Variants in ZKSCAN1 observed in about 807,000 individuals in gnomAD.
The protein encoded by ZKSCAN1 is zinc finger with KRAB and SCAN domains 1.
ZKSCAN1 carries 14 observed loss-of-function variants against 51.6 expected under a neutral mutation model. That is an observed-to-expected ratio of 0.27 (90% CI 0.18 to 0.42). The LOEUF (loss-of-function observed/expected upper bound fraction) is 0.42. Among genes scored for constraint, ZKSCAN1 ranks in the 10% least tolerant of loss-of-function variants. The pLI is 1.00. For missense variants in ZKSCAN1, 531 were observed against 710.0 expected (o/e 0.75, Z 2.86); for synonymous variants, 263 against 261.5 (o/e 1.01, Z -0.06).
At chr7:100,016,141 C>G (rs975470935) in intron 1 of ZKSCAN1, among the ~76,000 whole-genome samples, 2 of 152,178 alleles carry the variant, frequency 1.3e-5, no homozygotes, top group African/African-American at 4.8e-5. Context: ...TTTTCCCCCC[C>G]CGGTTCCTTC....
chr7:100,045,365 G>A (rs1791690687), downstream of ZKSCAN1, among the ~76,000 whole-genome samples: 1 of 151,556 alleles, frequency 6.6e-6, no homozygotes, highest in Non-Finnish European at 1.5e-5. Context: ...GCCCAACATG[G>A]TGAAACCCCA....
In ZKSCAN1 at chr7:100,024,135, C is replaced by G. The variant is rs923732517; in HGVS notation, c.427-19C>G. 1 of 1,600,600 alleles carries G rather than the reference C, an allele frequency of 6.2e-7. No individual in the cohort carries two copies. The highest frequency in any genetic ancestry group is 8.5e-7 in the Non-Finnish European group (1 of 1,173,354). On this transcript the variant is annotated intron_variant, in intron 2 of 5. Transcript: ENST00000324306. Reference sequence around the variant, plus strand: ...TTTACAAAGTGATTTACCCACAAGCCCAACCTGTCTGTCTTCAGGTCCCAG... The same window carrying G: ...TTTACAAAGTGATTTACCCACAAGCGCAACCTGTCTGTCTTCAGGTCCCAG...
intron 4 of ZKSCAN1, 74 bp downstream of exon 4, chr7:100,030,026 A>C: frequency 1.9e-6 from 3 of 1,539,166 alleles, no homozygotes; most frequent in Non-Finnish European, 2.7e-6. Flanking sequence ...CATTATCTCC[A>C]CAGGCCACTC....
chr7:100,039,489 C>T lies in ZKSCAN1; in HGVS notation c.*5292C>T. On this transcript the variant is annotated 3_prime_UTR_variant, in exon 6 of 6. Coordinates refer to ENST00000324306, the MANE Select transcript of ZKSCAN1 (RefSeq NM_003439.4). The stretch of plus-strand genomic sequence containing the variant: ...TGGCTGTGTTCCTGTGTTCCCTGCT[C>T]CCACTTTTCTTCCCCTGGTTTGTGA... The T allele has an allele frequency of 1.0e-6, 1 of 985,352 alleles. No homozygotes were observed. Among genetic ancestry groups the T allele is most frequent in the Non-Finnish European group, 1.2e-6 (1 of 829,910 alleles). The allele number at this position is 985,352 out of a possible 1,614,324, so 61.0% of individuals were successfully genotyped here.
chr7:100,044,456 G>A (rs1312552841), downstream of ZKSCAN1, among the ~76,000 whole-genome samples: 2 of 151,462 alleles, frequency 1.3e-5, no homozygotes, highest in Admixed American at 6.6e-5. Flanking sequence ...TCACGAGGTC[G>A]GGAGATCGAG....
rs1054177582 is a variant in ZKSCAN1 at position 100,040,658 on chromosome 7, G to T, written c.*6461G>T. The T allele has an allele frequency of 1.1e-5, 11 of 985,354 alleles. No individual in the cohort carries two copies. Among genetic ancestry groups the T allele is most frequent in the Middle Eastern group, 5.2e-4 (1 of 1,936 alleles). 61.0% of individuals were successfully genotyped at this position (985,354 alleles called of 1,614,324 possible). On this transcript the variant is annotated 3_prime_UTR_variant, in exon 6 of 6. Transcript: ENST00000324306. ...TAAGTGCAGTATGGAAGGAGAAGGGGGAAGAGGACGGTAACGGCCCCACAC... is the reference window on the plus strand; with the variant it reads ...TAAGTGCAGTATGGAAGGAGAAGGGTGAAGAGGACGGTAACGGCCCCACAC...
rs1414241545 is a variant in ZKSCAN1, at chr7:100,035,399, A to G, written c.*1202A>G. ...TATCATCGTCATCTTGAAGAAAAAT[A>G]TGAACACTGATGAAGGTCATTTTTT... On this transcript the variant is annotated 3_prime_UTR_variant, in exon 6 of 6. Coordinates refer to ENST00000324306, the MANE Select transcript of ZKSCAN1 (RefSeq NM_003439.4). 6.6e-6 allele frequency: 1 copy of G among 152,178 alleles called. No homozygotes were observed. The highest frequency in any genetic ancestry group is 1.5e-5 in the Non-Finnish European group (1 of 68,042). 9.4% of individuals were successfully genotyped at this position (152,178 alleles called of 1,614,324 possible).
chr7:100,036,959 T>C lies in ZKSCAN1; in HGVS notation c.*2762T>C. 1 of 985,342 alleles carries C rather than the reference T, an allele frequency of 1.0e-6. No individual in the cohort carries two copies. The highest frequency in any genetic ancestry group is 1.2e-6 in the Non-Finnish European group (1 of 829,910). 61.0% of individuals were successfully genotyped at this position (985,342 alleles called of 1,614,324 possible). A position where few individuals can be genotyped will look rare whatever the true frequency, so the allele number is the denominator to read the frequency against. On this transcript the variant is annotated 3_prime_UTR_variant, in exon 6 of 6. Coordinates refer to ENST00000324306, the MANE Select transcript of ZKSCAN1 (RefSeq NM_003439.4). ...CATTTAATTCCGTTTCATGGAGACA[T>C]CTTCCTGACTTTGTTGGATAGCTGC...
rs1359253079 is a variant in ZKSCAN1, at chr7:100,023,690, T to C, written c.184T>C (p.Phe62Leu). The change falls in exon 2 of 6, where the codon TTC (phenylalanine) becomes CTC (leucine). Residue 62 changes from phenylalanine (F) to leucine (L), a missense_variant. By Grantham distance (22) the Phe-to-Leu change is conservative. Transcript: ENST00000324306. ...PEIFRQRFRR[F>L]CYQNTFGPRE... ...GATATTCCGCCAACGCTTCAGGCGC[T>C]TCTGTTACCAGAACACTTTTGGGCC... 1 of 1,614,206 alleles carries C rather than the reference T, an allele frequency of 6.2e-7. No individual in the cohort carries two copies.
At position 100,040,726 on chromosome 7, in the gene ZKSCAN1, G is replaced by A. The variant is rs1791557890; in HGVS notation, c.*6529G>A. On this transcript the variant is annotated 3_prime_UTR_variant, in exon 6 of 6. Coordinates refer to ENST00000324306, the MANE Select transcript of ZKSCAN1 (RefSeq NM_003439.4). ...TAATTAGGAGGCCTGAGGAGGGGCC[G>A]AGGAAAGGCTGTTGGGGTGTGCTGG... 2.0e-6 allele frequency: 2 copies of A among 985,464 alleles called. No homozygotes were observed. Among genetic ancestry groups the A allele is most frequent in the Non-Finnish European group, 1.2e-6 (1 of 829,952 alleles). 61.0% of individuals were successfully genotyped at this position (985,464 alleles called of 1,614,324 possible).
intron 1 of ZKSCAN1, 114 bp from the exon 2 acceptor site, chr7:100,023,305 C>T: frequency 1.8e-6 from 1 of 557,314 alleles, no homozygotes; most frequent in Non-Finnish European, 3.0e-6. Flanking sequence ...GCCACCACCC[C>T]CGGCCTCAGG....
chr7:100,026,720 G>A (rs1441829128), intron 3 of ZKSCAN1, among the ~76,000 whole-genome samples: 1 of 150,816 alleles, frequency 6.6e-6, no homozygotes, highest in Admixed American at 6.6e-5. Context: ...GTGAGACTCT[G>A]TCTCAGAAAA....
chr7:100,029,050 G>A (rs1017400814), intron 3 of ZKSCAN1, among the ~76,000 whole-genome samples: 2 of 151,410 alleles, frequency 1.3e-5, no homozygotes, highest in African/African-American at 4.9e-5. Context: ...TGTAATCCCA[G>A]CTACTCTGGA....
At chr7:100,024,485 G>T in intron 3 of ZKSCAN1, 178 bp downstream of exon 3, 5 of 773,300 alleles carry the variant, frequency 6.5e-6, no homozygotes, top group Non-Finnish European at 6.0e-6. Flanking sequence ...TTCCAGCTAC[G>T]CAGGAGGCTG....
In ZKSCAN1 at chr7:100,023,569, T is replaced by A. The variant is rs527299780; in HGVS notation, c.63T>A (p.Asp21Glu). ...GLSPQAAQEK[D>E]GIVIVKVEEE... is the part of the protein sequence containing the mutation. ...CCCCACAGGCTGCACAGGAGAAGGA[T>A]GGTATCGTAATAGTGAAGGTGGAAG... Residue 21 changes from aspartate to glutamate, a missense_variant, in exon 2 of 6, where the codon GAT (aspartate) becomes GAA (glutamate). Asp to Glu is a conservative substitution (Grantham distance 45, BLOSUM62 2). Transcript: ENST00000324306. 1 of 1,613,472 alleles carries A rather than the reference T, an allele frequency of 6.2e-7. No individual in the cohort carries two copies. The highest frequency in any genetic ancestry group is 1.3e-5 in the African/African-American group (1 of 74,942).
chr7:100,043,537 AT>A (rs1397013556), downstream of ZKSCAN1, among the ~76,000 whole-genome samples: 6 of 147,564 alleles, frequency 4.1e-5, no homozygotes, highest in African/African-American at 1.3e-4. Context: ...CTACGCCTAG[AT>A]TTTTTTTTAA....
Position 100,025,653 on chromosome 7 carries a change from CA to C in ZKSCAN1, c.580+1349del, listed in dbSNP as rs1289499002. 2.0e-5 allele frequency among the ~76,000 whole-genome samples: 3 copies of C among 152,198 alleles called. No homozygotes were observed. The East Asian group carries it at 5.8e-4, about 29-fold the overall frequency. ...GCGAACATCATAAAGTATACTTATA[CA>C]AACCTAGATGGTCTAGCCTTCTCCA... is the stretch of plus-strand genomic sequence containing the variant. On this transcript the variant is annotated intron_variant, in intron 3 of 5. Coordinates refer to ENST00000324306, the MANE Select transcript of ZKSCAN1 (RefSeq NM_003439.4).
chr7:100,042,865 T>C (rs915365338), downstream of ZKSCAN1, among the ~76,000 whole-genome samples: 1 of 148,692 alleles, frequency 6.7e-6, no homozygotes, highest in African/African-American at 2.5e-5. Context: ...TGGCGCCATC[T>C]CGGCTCACTG....
chr7:100,041,599 G>A lies in ZKSCAN1; in HGVS notation c.*7402G>A, dbSNP rs1214823614. ...GAAATGTTAAGAGTAGTGAGGTTGA[G>A]GAAGGAAATTGTGGGGATTTGAAAT... On this transcript the variant is annotated 3_prime_UTR_variant, in exon 6 of 6. Coordinates refer to ENST00000324306, the MANE Select transcript of ZKSCAN1 (RefSeq NM_003439.4). 1.0e-6 allele frequency: 1 copy of A among 985,286 alleles called. No homozygotes were observed. The highest frequency in any genetic ancestry group is 1.2e-6 in the Non-Finnish European group (1 of 829,940). 61.0% of individuals were successfully genotyped at this position (985,286 alleles called of 1,614,324 possible). A position where few individuals can be genotyped will look rare whatever the true frequency, so the allele number is the denominator to read the frequency against.
Sources: allele counts gnomAD v4.1 joint callset (sites outside exome capture counted in the v4.1 genomes callset), GRCh38; gene constraint gnomAD v4.1.1; transcripts MANE v1.5; gene names NCBI Gene and HGNC (gene_info 2026-07-23, HGNC 2026-07-21).